Variants in CEP295 observed in about 807,000 individuals in gnomAD.
CEP295 encodes the protein centrosomal protein 295.
In CEP295, 190 loss-of-function variants were observed where a neutral mutation model predicts 291.6. The ratio of observed to expected loss-of-function variants is 0.65; its 90% CI spans 0.58 to 0.73. The LOEUF is 0.73. CEP295 is among the 30% of genes least tolerant of loss of function. The pLI is 0.00. For missense variants in CEP295, 2,863 were observed against 2,949.4 expected (o/e 0.97, Z 0.68); for synonymous variants, 993 against 1,038.8 (o/e 0.96, Z 0.85).
In CEP295 at chr11:93,690,432, G is replaced by A. The variant is rs1184049503; in HGVS notation, c.1337-1251G>A. The stretch of plus-strand genomic sequence containing the variant: ...GTAGCTGGGCATGGTGGTTGTGGGT[G>A]CCTGTAGTCCCAGCTACTTGGGAGG... On this transcript the variant is annotated intron_variant, in intron 10 of 29. Transcript: ENST00000325212. Among the ~76,000 whole-genome samples, 3 of 151,918 alleles carry A rather than the reference G, an allele frequency of 2.0e-5. 1 individual carries two copies. Among genetic ancestry groups the A allele is most frequent in the Admixed American group, 6.6e-5 (1 of 15,256 alleles).
At chr11:93,689,483 T>C (rs575972157) in intron 10 of CEP295, among the ~76,000 whole-genome samples, 1 of 152,264 alleles carries the variant, frequency 6.6e-6, no homozygotes, top group East Asian at 1.9e-4. Flanking sequence ...TGACTAGACT[T>C]CTCTTTTTCT....
chr11:93,667,467 T>A, intron 2 of CEP295, 140 bp from the exon 3 acceptor site: 3 of 615,492 alleles, frequency 4.9e-6, no homozygotes, highest in Non-Finnish European at 8.4e-6. Context: ...CTTTAAATAG[T>A]CTTTATCTAA....
intron 4 of CEP295, among the ~76,000 whole-genome samples, 168 bp downstream of exon 4, chr11:93,669,100 G>A (rs756072125): frequency 6.6e-6 from 1 of 152,080 alleles, no homozygotes; most frequent in Non-Finnish European, 1.5e-5. Context: ...GATTTGCTTA[G>A]GTGAACATAG....
intron 17 of CEP295, among the ~76,000 whole-genome samples, chr11:93,704,646 C>T (rs1315388150): frequency 1.3e-5 from 2 of 152,130 alleles, no homozygotes. Flanking sequence ...CTCTTCCTCC[C>T]TTCAAGACTT....
At chr11:93,701,933 A>C (rs1794714977) in intron 15 of CEP295, among the ~76,000 whole-genome samples, 2 of 150,266 alleles carry the variant, frequency 1.3e-5, no homozygotes, top group Admixed American at 1.3e-4. Context: ...AAGGCTGTGA[A>C]TGGTTGTTGT....
At chr11:93,663,306 G>T (rs1458156064) in intron 1 of CEP295, among the ~76,000 whole-genome samples, 1 of 152,120 alleles carries the variant, frequency 6.6e-6, no homozygotes, top group African/African-American at 2.4e-5. Flanking sequence ...CCTCCATTCA[G>T]TGTTAGACTT....
intron 10 of CEP295, among the ~76,000 whole-genome samples, chr11:93,689,187 GT>G (rs1951394299): frequency 6.6e-6 from 1 of 152,128 alleles, no homozygotes; most frequent in African/African-American, 2.4e-5. Context: ...TATTAACATA[GT>G]GGTCCTCTTA....
intron 19 of CEP295, chr11:93,721,623 G>A (rs201455756): frequency 2.1e-4 from 154 of 727,472 alleles, no homozygotes; most frequent in Middle Eastern, 2.0e-3. Flanking sequence ...GTTCTGAGAA[G>A]CAAAACTATA....
intron 18 of CEP295, among the ~76,000 whole-genome samples, chr11:93,707,199 T>G (rs1181396589): frequency 6.6e-6 from 1 of 152,214 alleles, no homozygotes; most frequent in African/African-American, 2.4e-5. Flanking sequence ...AATTAAATAC[T>G]GTTAAATATT....
chr11:93,702,557 A>G lies in CEP295; in HGVS notation c.5372A>G (p.Gln1791Arg), dbSNP rs953381474. Residue 1791 changes from glutamine to arginine, a missense_variant, in exon 16 of 30, where the codon CAA becomes CGA. This residue lies in a region of CEP295 where 2,295 missense variants were observed against 2,335.7 expected (regional missense o/e 0.98). Transcript: ENST00000325212. The stretch of plus-strand genomic sequence containing the variant: ...ACACAAGACCTAGCAGGAAATGATC[A>G]AGAAAATATTAGGCATGCAGATAGG... ...PNTQDLAGND[Q>R]ENIRHADRNN... 1 of 1,551,510 alleles carries G rather than the reference A, an allele frequency of 6.4e-7. No homozygotes were observed. Among genetic ancestry groups the G allele is most frequent in the Admixed American group, 2.0e-5 (1 of 50,966 alleles).
intron 22 of CEP295, 48 bp downstream of exon 22, chr11:93,724,423 T>G (rs1033149099): frequency 2.7e-5 from 41 of 1,520,002 alleles, no homozygotes; most frequent in Non-Finnish European, 3.7e-5. Context: ...AAAAATAGTT[T>G]TAAGCCATTT....
At chr11:93,728,985 T>C in intron 25 of CEP295, 164 bp downstream of exon 25, 1 of 597,520 alleles carries the variant, frequency 1.7e-6, no homozygotes, top group East Asian at 2.9e-5. Context: ...CACTATTCTG[T>C]CAACCATTGT....
intron 18 of CEP295, among the ~76,000 whole-genome samples, chr11:93,714,801 T>C (rs1953128225): frequency 6.6e-6 from 1 of 152,284 alleles, no homozygotes; most frequent in African/African-American, 2.4e-5. Context: ...GAGACTCTTA[T>C]TCTTTACCTT....
In CEP295 at chr11:93,697,821, C is replaced by G; in HGVS notation, c.2909C>G (p.Ala970Gly). ...GATAGCCTTCAGGCTAGGCGAGAAG[C>G]CCAGGAAGTATTGTATGTACATAAA... ...QKDSLQARRE[A>G]QEVLYVHKQS... is the part of the protein sequence containing the mutation. The change falls in exon 15 of 30, where the codon GCC becomes GGC. Residue 970 changes from alanine to glycine, a missense_variant. By Grantham distance (60) the Ala-to-Gly change is moderately conservative (BLOSUM62 0). Transcript: ENST00000325212. 6.4e-7 allele frequency: 1 copy of G among 1,551,650 alleles called. No homozygotes were observed. The highest frequency in any genetic ancestry group is 1.2e-5 in the South Asian group (1 of 84,050).
At position 93,687,864 on chromosome 11, in the gene CEP295, A is replaced by T; in HGVS notation, c.1335A>T (p.Gln445His). Reference protein sequence around the residue: ...KERTLSSGQEQVVESDTLTIE... With the variant: ...KERTLSSGQEHVVESDTLTIE... ...GAACGTTATCCTCTGGGCAGGAACAAGGTATTTCTCTCCAAGAGTCTCATT... is the reference window on the plus strand; with the variant it reads ...GAACGTTATCCTCTGGGCAGGAACATGGTATTTCTCTCCAAGAGTCTCATT... Residue 445 changes from glutamine to histidine, a missense_variant and splice_region_variant, in exon 10 of 30, where the codon CAA becomes CAT. Physicochemically the swap from Gln to His is conservative, Grantham distance 24 (BLOSUM62 0). Transcript: ENST00000325212. 1 of 1,544,092 alleles carries T rather than the reference A, an allele frequency of 6.5e-7. No homozygotes were observed. The highest frequency in any genetic ancestry group is 8.7e-7 in the Non-Finnish European group (1 of 1,143,240).
chr11:93,666,040 T>C (rs1950195920), intron 1 of CEP295, among the ~76,000 whole-genome samples: 1 of 152,222 alleles, frequency 6.6e-6, no homozygotes, highest in Non-Finnish European at 1.5e-5. Flanking sequence ...TTTTCACATT[T>C]AAGCTCAGTA....
At position 93,728,056 on chromosome 11, in the gene CEP295, A is replaced by G. The variant is rs59010425; in HGVS notation, c.7161+419A>G. The G allele has an allele frequency of 4.6e-3, 735 of 161,358 alleles. 6 individuals carry two copies. The highest frequency in any genetic ancestry group is 0.016 in the African/African-American group (657 of 41,690). The allele number at this position is 161,358 out of a possible 1,614,324, so 10.0% of individuals were successfully genotyped here. On this transcript the variant is annotated intron_variant, in intron 24 of 29. Coordinates refer to ENST00000325212, the MANE Select transcript of CEP295 (RefSeq NM_033395.2). ...CAGTGTTGAGCCTCATTCCAGTGCA[A>G]TGAATTCATCCATTATTGGAATAAG... is the stretch of plus-strand genomic sequence containing the variant.
rs986832410 is a variant in CEP295 at position 93,684,203 on chromosome 11, G to C, written c.1114+75G>C. 21 of 1,321,510 alleles carry C rather than the reference G, an allele frequency of 1.6e-5. No homozygotes were observed. The African/African-American group carries it at 2.7e-4, about 17-fold the overall frequency. The allele number at this position is 1,321,510 out of a possible 1,614,324, so 81.9% of individuals were successfully genotyped here. A position where few individuals can be genotyped will look rare whatever the true frequency, so the allele number is the denominator to read the frequency against. ...ATGCTAACCATTAGCCAGCAGTTAG[G>C]AAAATCTGGTCTGATATAAGTGCAA... On this transcript the variant is annotated intron_variant, in intron 9 of 29. Coordinates refer to ENST00000325212, the MANE Select transcript of CEP295 (RefSeq NM_033395.2).
chr11:93,728,832 GCTTT>G lies in CEP295; in HGVS notation c.7302+13_7302+16del. ...AAATGCTTCTTTCAGGTAAATTTAAGCTTTCCTTCTATTTTATTCTATTACAAGC... is the reference window on the plus strand; with the variant it reads ...AAATGCTTCTTTCAGGTAAATTTAAGCCTTCTATTTTATTCTATTACAAGC... On this transcript the variant is annotated intron_variant, in intron 25 of 29. Coordinates refer to ENST00000325212, the MANE Select transcript of CEP295 (RefSeq NM_033395.2). The G allele has an allele frequency of 1.3e-6, 2 of 1,532,698 alleles. No homozygotes were observed. Among genetic ancestry groups the G allele is most frequent in the Non-Finnish European group, 1.8e-6 (2 of 1,141,882 alleles). The allele number at this position is 1,532,698 out of a possible 1,614,324, so 94.9% of individuals were successfully genotyped here.
Sources: gnomAD v4.1 joint callset for allele counts (sites outside exome capture counted in the v4.1 genomes callset) on GRCh38, gnomAD v4.1.1 for gene constraint, gnomAD v4.1.1 regional missense constraint, MANE v1.5 for transcripts, NCBI Gene and HGNC (gene_info 2026-07-23, HGNC 2026-07-21) for gene names.